The following CLNK variants were observed in gnomAD, a reference collection of about 807,000 sequenced individuals.
The protein encoded by CLNK is cytokine dependent hematopoietic cell linker.
In CLNK, 74 loss-of-function variants were observed where a neutral mutation model predicts 68.6. The observed-to-expected ratio is 1.08, with a 90% CI of 0.89 to 1.31. The LOEUF (loss-of-function observed/expected upper bound fraction) is 1.31. Ranked by LOEUF, CLNK falls within the 50% of genes most tolerant of loss-of-function variation. The pLI is 0.00. For missense variants in CLNK, 553 were observed against 515.3 expected, an observed-to-expected ratio of 1.07 and a Z score of -0.71; for synonymous variants, 198 against 172.2, an observed-to-expected ratio of 1.15 and a Z score of -1.17.
intron 8 of CLNK, among the ~76,000 whole-genome samples, chr4:10,551,118 G>A (rs61795089): frequency 0.049 from 7,442 of 152,192 alleles, 225 homozygotes; most frequent in Middle Eastern, 0.1. Flanking sequence ...TTTTCCACTT[G>A]ATATTTTCAG....
intron 1 of CLNK, among the ~76,000 whole-genome samples, chr4:10,668,655 G>A (rs2108894195): frequency 6.6e-6 from 1 of 152,308 alleles, no homozygotes; most frequent in Admixed American, 6.5e-5. Context: ...GGTAACAAAA[G>A]GGCGCTGTCA....
intron 2 of CLNK, among the ~76,000 whole-genome samples, chr4:10,608,403 A>G (rs917011805): frequency 2.0e-5 from 3 of 152,066 alleles, no homozygotes; most frequent in Non-Finnish European, 4.4e-5. Flanking sequence ...GTCTTCTGGT[A>G]CCAGCACAGA....
intron 6 of CLNK, among the ~76,000 whole-genome samples, chr4:10,565,634 A>C (rs994805929): frequency 6.6e-6 from 1 of 151,826 alleles, no homozygotes; most frequent in Non-Finnish European, 1.5e-5. Flanking sequence ...AACATTTCCC[A>C]TGCTGCTGCA....
chr4:10,627,014 C>T (rs141283098), intron 2 of CLNK, among the ~76,000 whole-genome samples: 73 of 152,328 alleles, frequency 4.8e-4, no homozygotes, highest in African/African-American at 1.4e-3. Flanking sequence ...CTGTAAACTT[C>T]ACCCAAGCAA....
Position 10,602,264 on chromosome 4 carries a change from C to T in CLNK, c.12-4215G>A, listed in dbSNP as rs552369112. On this transcript the variant is annotated intron_variant, in intron 2 of 18. Coordinates refer to ENST00000226951, the MANE Select transcript of CLNK (RefSeq NM_052964.4). ...TTTTTCATGTAGACCTAATAGCAGC[C>T]AATACAGTGTAGTTGAATTGATTTG... Among the ~76,000 whole-genome samples, 6 of 152,260 alleles carry T rather than the reference C, an allele frequency of 3.9e-5. No homozygotes were observed. The South Asian group carries it at 1.0e-3, about 26-fold the overall frequency.
chr4:10,703,001 T>TGTCA, the CLNK span, among the ~76,000 whole-genome samples: 2 of 152,032 alleles, frequency 1.3e-5, no homozygotes, highest in African/African-American at 4.8e-5. Context: ...TGGAAGTGTA[T>TGTCA]GTCATATGAG....
chr4:10,642,030 T>C (rs1262098392), intron 2 of CLNK, among the ~76,000 whole-genome samples: 1 of 152,176 alleles, frequency 6.6e-6, no homozygotes, highest in African/African-American at 2.4e-5. Context: ...TTTTTCTTTA[T>C]AAATTACCGA....
chr4:10,544,249 C>A (rs1719141091), intron 8 of CLNK, among the ~76,000 whole-genome samples: 1 of 152,106 alleles, frequency 6.6e-6, no homozygotes, highest in Non-Finnish European at 1.5e-5. Context: ...AGATATCTAC[C>A]CAGTTTTCTT....
chr4:10,514,839 C>T (rs1324407943), intron 15 of CLNK, among the ~76,000 whole-genome samples: 1 of 151,892 alleles, frequency 6.6e-6, no homozygotes, highest in African/African-American at 2.4e-5. Flanking sequence ...AGAAAATTTT[C>T]GCAACCTGCT....
At chr4:10,589,264 A>G (rs1056149545) in intron 3 of CLNK, among the ~76,000 whole-genome samples, 4 of 152,196 alleles carry the variant, frequency 2.6e-5, no homozygotes, top group Non-Finnish European at 5.9e-5. Flanking sequence ...AAGTGGCAGA[A>G]GCAATTGGCA....
intron 3 of CLNK, among the ~76,000 whole-genome samples, chr4:10,593,160 G>C (rs1343459146): frequency 3.9e-5 from 6 of 152,218 alleles, no homozygotes. Flanking sequence ...AGACCTTTCA[G>C]GGCGGCACTC....
chr4:10,575,995 C>A (rs945146048), intron 4 of CLNK, among the ~76,000 whole-genome samples: 2 of 152,198 alleles, frequency 1.3e-5, no homozygotes, highest in African/African-American at 4.8e-5. Context: ...CTGCCTCCCC[C>A]CAGGCAGTGG....
chr4:10,695,257 A>G, the CLNK span, among the ~76,000 whole-genome samples: 1 of 152,214 alleles, frequency 6.6e-6, no homozygotes. Context: ...TCATTCCACA[A>G]TGTATACATG....
chr4:10,634,763 C>T (rs867960626), intron 2 of CLNK, among the ~76,000 whole-genome samples: 1 of 152,144 alleles, frequency 6.6e-6, no homozygotes, highest in African/African-American at 2.4e-5. Flanking sequence ...TTTGGCTTTT[C>T]CCTTCAGGTT....
chr4:10,524,117 G>GGAGGAT (rs1560200764), intron 14 of CLNK, among the ~76,000 whole-genome samples: 1 of 151,290 alleles, frequency 6.6e-6, no homozygotes, highest in African/African-American at 2.4e-5. Context: ...AGGAGGAGGA[G>GGAGGAT]GATGATATTG....
chr4:10,671,417 C>A (rs1476470915), intron 1 of CLNK, among the ~76,000 whole-genome samples: 2 of 151,980 alleles, frequency 1.3e-5, no homozygotes, highest in African/African-American at 4.8e-5. Context: ...GAATTTGAGG[C>A]CTTGGCAACC....
intron 1 of CLNK, among the ~76,000 whole-genome samples, chr4:10,672,316 G>A (rs1724679299): frequency 6.6e-6 from 1 of 152,168 alleles, no homozygotes; most frequent in African/African-American, 2.4e-5. Flanking sequence ...CATTCTCTGG[G>A]TTTGAACAGG....
the CLNK span, among the ~76,000 whole-genome samples, chr4:10,695,372 A>G: frequency 2.0e-5 from 3 of 152,202 alleles, no homozygotes; most frequent in African/African-American, 7.2e-5. Context: ...TTATTTGTCA[A>G]CTAAAAATAA....
At chr4:10,637,863 A>G (rs1267547631) in intron 2 of CLNK, among the ~76,000 whole-genome samples, 1 of 151,572 alleles carries the variant, frequency 6.6e-6, no homozygotes, top group Non-Finnish European at 1.5e-5. Flanking sequence ...CAGCCTCCCA[A>G]AGTGCTGGGA....
Sources: allele counts gnomAD v4.1 joint callset (sites outside exome capture counted in the v4.1 genomes callset), GRCh38; gene constraint gnomAD v4.1.1; transcripts MANE v1.5; gene names NCBI Gene and HGNC (gene_info 2026-07-23, HGNC 2026-07-21).